The following NAP1L4 variants were observed in gnomAD, a reference collection of about 807,000 sequenced individuals.
The protein encoded by NAP1L4 is nucleosome assembly protein 1 like 4.
NAP1L4 carries 15 observed loss-of-function variants against 58.2 expected under a neutral mutation model. That is an observed-to-expected ratio of 0.26 (90% confidence interval 0.17 to 0.40). NAP1L4 has a LOEUF of 0.40. Among genes scored for constraint, NAP1L4 ranks in the 10% least tolerant of loss-of-function variants. The pLI is 1.00. For synonymous variants in NAP1L4, 171 were observed against 155.6 expected (o/e 1.10, Z -0.74); for missense variants, 384 against 451.1 (o/e 0.85, Z 1.35).
chr11:2,956,715 C>T (rs1846566213), intron 10 of NAP1L4, among the ~76,000 whole-genome samples: 1 of 152,202 alleles, frequency 6.6e-6, no homozygotes, highest in Admixed American at 6.5e-5. Flanking sequence ...GCATGCTCCC[C>T]AGGGCACTCT....
At chr11:2,968,499 T>C (rs1055505689) in intron 7 of NAP1L4, among the ~76,000 whole-genome samples, 1 of 152,256 alleles carries the variant, frequency 6.6e-6, no homozygotes, top group African/African-American at 2.4e-5. Context: ...AGATGCTTTC[T>C]GGTCTGGAAG....
intron 1 of NAP1L4, among the ~76,000 whole-genome samples, chr11:2,981,418 CAAAAAAAA>C (rs35499396): frequency 0.076 from 3,130 of 41,202 alleles, 157 homozygotes; most frequent in African/African-American, 0.19. Flanking sequence ...TACCCTGTCT[CAAAAAAAA>C]AAAAAAAAAA....
At chr11:2,975,354 A>T (rs1847891021) in intron 4 of NAP1L4, among the ~76,000 whole-genome samples, 1 of 152,146 alleles carries the variant, frequency 6.6e-6, no homozygotes, top group African/African-American at 2.4e-5. Context: ...AGAGGTCCTG[A>T]CAAGAGCCAT....
intron 10 of NAP1L4, chr11:2,958,099 C>T (rs1240600258): frequency 4.3e-5 from 24 of 552,172 alleles, no homozygotes; most frequent in Middle Eastern, 2.8e-4. Context: ...TGCAAATACT[C>T]GATTCAGTTT....
chr11:2,991,829 C>G (rs1848993559), intron 1 of NAP1L4: 1 of 152,246 alleles, frequency 6.6e-6, no homozygotes, highest in African/African-American at 2.4e-5. Flanking sequence ...CCGGCGCGCC[C>G]GGCCGTGTAA....
intron 1 of NAP1L4, among the ~76,000 whole-genome samples, chr11:2,989,426 A>G (rs1331773057): frequency 6.6e-6 from 1 of 152,230 alleles, no homozygotes; most frequent in Non-Finnish European, 1.5e-5. Context: ...TTAGGCCGTC[A>G]GGAATTTAAA....
At position 2,971,807 on chromosome 11, in the gene NAP1L4, C is replaced by T. The variant is rs924523077; in HGVS notation, c.316-273G>A. The stretch of plus-strand genomic sequence containing the variant: ...AACTTCCTGATGGTGCAGAAGCCAT[C>T]ACACTTTGGGCACCAATACAGCCAC... On this transcript the variant is annotated intron_variant, in intron 5 of 15. Transcript: ENST00000380542. This position sits in a 1 kb window ranked among gnomAD's most constrained non-coding sequence, Gnocchi z 4.2. Among the ~76,000 whole-genome samples the T allele has an allele frequency of 7.9e-5, 12 of 152,108 alleles. No homozygotes were observed. Among genetic ancestry groups the T allele is most frequent in the African/African-American group, 2.9e-4 (12 of 41,400 alleles).
chr11:2,975,661 G>A (rs1290122729), intron 4 of NAP1L4, among the ~76,000 whole-genome samples: 1 of 151,298 alleles, frequency 6.6e-6, no homozygotes, highest in Admixed American at 6.6e-5. Context: ...TTTTTTTAAG[G>A]TGTTGGTGTC....
intron 8 of NAP1L4, among the ~76,000 whole-genome samples, chr11:2,960,797 T>G (rs1177928877): frequency 6.6e-6 from 1 of 152,240 alleles, no homozygotes; most frequent in African/African-American, 2.4e-5. Context: ...TGCATCGATA[T>G]GTGCAAAGAC....
intron 3 of NAP1L4, among the ~76,000 whole-genome samples, chr11:2,977,935 C>T (rs949443543): frequency 1.9e-4 from 28 of 150,882 alleles, no homozygotes; most frequent in African/African-American, 5.6e-4. Context: ...TGGGAGGCTG[C>T]GGCAGGAAAC....
At chr11:2,966,030 G>A (rs896317210) in intron 7 of NAP1L4, among the ~76,000 whole-genome samples, 27 of 152,344 alleles carry the variant, frequency 1.8e-4, no homozygotes, top group Admixed American at 1.4e-3. Context: ...CAGAAGAGGA[G>A]TGGGAAGACC....
chr11:2,956,604 C>T (rs1402678526), intron 10 of NAP1L4, among the ~76,000 whole-genome samples: 1 of 152,208 alleles, frequency 6.6e-6, no homozygotes, highest in African/African-American at 2.4e-5. Flanking sequence ...GTAAACACCA[C>T]CCATGAGTGA....
At position 2,946,472 on chromosome 11, in the gene NAP1L4, T is replaced by C. The variant is rs892867013; in HGVS notation, c.*33-826A>G. 6.6e-6 allele frequency among the ~76,000 whole-genome samples: 1 copy of C among 152,240 alleles called. No individual in the cohort carries two copies. Among genetic ancestry groups the C allele is most frequent in the Non-Finnish European group, 1.5e-5 (1 of 68,040 alleles). ...TACATCACGATCTTGCTAATGCTTC[T>C]GCGCTAGTAACTTTACGAACCTGTA... On this transcript the variant is annotated intron_variant, in intron 15 of 15. Coordinates refer to ENST00000380542, the MANE Select transcript of NAP1L4 (RefSeq NM_005969.4). The surrounding 1 kb of genome is among the most constrained non-coding windows in gnomAD (Gnocchi z 4.8).
intron 1 of NAP1L4, chr11:2,991,004 G>A (rs761255835): frequency 2.4e-6 from 1 of 420,774 alleles, no homozygotes; most frequent in South Asian, 1.6e-5. Context: ...TAATGCAGGA[G>A]GATAAGGCAC....
intron 8 of NAP1L4, among the ~76,000 whole-genome samples, chr11:2,963,110 A>AAAAAAG (rs1564979381): frequency 2.7e-5 from 4 of 150,698 alleles, no homozygotes; most frequent in African/African-American, 7.3e-5. Context: ...AAAAAAAAAA[A>AAAAAAG]AAAAAGAAAA....
rs541821469 is a variant in NAP1L4, at chr11:2,946,912, G to C, written c.*33-1266C>G. On this transcript the variant is annotated intron_variant, in intron 15 of 15. Transcript: ENST00000380542. The surrounding 1 kb of genome is among the most constrained non-coding windows in gnomAD (Gnocchi z 4.8). The stretch of plus-strand genomic sequence containing the variant: ...GAGTGTGGGGGATGCAGGGCGCCCC[G>C]AGCAGGAGCAGTGAGGGGAGGAGTG... Among the ~76,000 whole-genome samples, 1 of 152,174 alleles carries C rather than the reference G, an allele frequency of 6.6e-6. No individual in the cohort carries two copies. Among genetic ancestry groups the C allele is most frequent in the African/African-American group, 2.4e-5 (1 of 41,438 alleles).
At chr11:2,962,655 T>C (rs990304314) in intron 8 of NAP1L4, among the ~76,000 whole-genome samples, 5 of 150,902 alleles carry the variant, frequency 3.3e-5, no homozygotes, top group Admixed American at 6.6e-5. Context: ...ACTTTTATAA[T>C]AGGGAAGTAA....
intron 8 of NAP1L4, among the ~76,000 whole-genome samples, chr11:2,964,445 C>T (rs530857256): frequency 8.5e-5 from 13 of 152,268 alleles, no homozygotes; most frequent in East Asian, 3.9e-4. Flanking sequence ...CACAGACTCA[C>T]GACTACAGTG....
In NAP1L4 at chr11:2,956,395, G is replaced by A. The variant is rs146760711; in HGVS notation, c.893-629C>T. On this transcript the variant is annotated intron_variant, in intron 10 of 15. Coordinates refer to ENST00000380542, the MANE Select transcript of NAP1L4 (RefSeq NM_005969.4). The stretch of plus-strand genomic sequence containing the variant: ...GAAGCTGTGCAACGTTCAACTGGTA[G>A]AAGATCCAACCCCCTGATTTTAGAA... Among the ~76,000 whole-genome samples, 49 of 152,214 alleles carry A rather than the reference G, an allele frequency of 3.2e-4. 1 individual carries two copies. The South Asian group carries it at 8.5e-3, about 26-fold the overall frequency.
Sources: gnomAD v4.1 joint callset for allele counts (sites outside exome capture counted in the v4.1 genomes callset) on GRCh38, gnomAD v4.1.1 for gene constraint, Gnocchi (gnomAD v3.1) non-coding constraint, MANE v1.5 for transcripts, NCBI Gene and HGNC (gene_info 2026-07-23, HGNC 2026-07-21) for gene names.